Variants in MTHFD1 observed in about 807,000 individuals in gnomAD.
MTHFD1 encodes the protein methylenetetrahydrofolate dehydrogenase, cyclohydrolase and formyltetrahydrofolate synthetase 1.
Under a neutral mutation model 110.3 loss-of-function variants are expected in MTHFD1, and 44 were observed. That is an observed-to-expected ratio of 0.40 (90% CI 0.31 to 0.51). The LOEUF is 0.51. MTHFD1 is among the 20% of genes least tolerant of loss of function. The pLI, the probability that MTHFD1 is intolerant of heterozygous loss-of-function variation, is 0.60. For missense variants in MTHFD1, 909 were observed against 1,173.1 expected, an observed-to-expected ratio of 0.77 and a Z score of 3.29; for synonymous variants, 402 against 428.8, an observed-to-expected ratio of 0.94 and a Z score of 0.77.
At chr14:64,446,098 T>G (rs1202799220) in intron 22 of MTHFD1, among the ~76,000 whole-genome samples, 1 of 152,194 alleles carries the variant, frequency 6.6e-6, no homozygotes, top group Non-Finnish European at 1.5e-5. Flanking sequence ...TTTTAAAATA[T>G]TTAATGTATT....
chr14:64,427,043 C>G (rs998710426), intron 11 of MTHFD1, among the ~76,000 whole-genome samples: 1 of 151,644 alleles, frequency 6.6e-6, no homozygotes, highest in African/African-American at 2.4e-5. Context: ...CTTTCTTTTT[C>G]TTTGTCTTTT....
intron 17 of MTHFD1, chr14:64,439,455 T>A (rs970278898): frequency 4.2e-6 from 2 of 478,774 alleles, no homozygotes; most frequent in African/African-American, 3.9e-5. Context: ...TGCTTCTTTT[T>A]TGTGGCCATT....
chr14:64,411,172 A>T (rs781332569), intron 3 of MTHFD1, 23 bp downstream of exon 3: 2 of 1,600,694 alleles, frequency 1.2e-6, no homozygotes, highest in Non-Finnish European at 1.7e-6. Flanking sequence ...GAGCTGTGCC[A>T]TCACCCTCCC....
At chr14:64,458,100 AG>A (rs758957734) in intron 26 of MTHFD1, 113 bp from the exon 27 acceptor site, 66 of 825,462 alleles carry the variant, frequency 8.0e-5, no homozygotes, top group Non-Finnish European at 1.4e-4. Context: ...TATGTTGCCC[AG>A]GGTGGTTTAG....
chr14:64,439,098 T>C lies in MTHFD1; in HGVS notation c.1600T>C (p.Leu534=), dbSNP rs1199210996. ...DPETITWQRV[L]DTNDRFLRKI... ...TATATCTTGCCTGTCTGCTGTAGTGTTGGATACCAATGATAGATTCCTGAG... is the reference window on the plus strand; with the variant it reads ...TATATCTTGCCTGTCTGCTGTAGTGCTGGATACCAATGATAGATTCCTGAG... The change falls in exon 17 of 28, where the codon TTG becomes CTG. Residue 534 remains leucine, a splice_region_variant and synonymous_variant. Coordinates refer to ENST00000652337, the MANE Select transcript of MTHFD1 (RefSeq NM_005956.4). 1.9e-6 allele frequency: 3 copies of C among 1,613,414 alleles called. No individual in the cohort carries two copies. Among genetic ancestry groups the C allele is most frequent in the Admixed American group, 1.7e-5 (1 of 60,026 alleles).
chr14:64,401,019 C>G (rs978722643), intron 2 of MTHFD1, 142 bp downstream of exon 2: 28 of 694,524 alleles, frequency 4.0e-5, no homozygotes, highest in South Asian at 6.3e-5. Context: ...CAGGCTCCCC[C>G]CTTTGGCTCA....
chr14:64,393,666 A>G (rs570115954), intron 1 of MTHFD1, among the ~76,000 whole-genome samples: 30 of 152,274 alleles, frequency 2.0e-4, no homozygotes, highest in Admixed American at 1.8e-3. Flanking sequence ...TGGTTTGCAA[A>G]TAAGTGTCTG....
intron 11 of MTHFD1, 57 bp downstream of exon 11, chr14:64,426,249 CG>C: frequency 6.3e-7 from 1 of 1,597,426 alleles, no homozygotes; most frequent in Non-Finnish European, 8.6e-7. Flanking sequence ...GATACTAAGG[CG>C]TTGCATTTGC....
At chr14:64,401,504 A>T (rs1419820394) in intron 2 of MTHFD1, among the ~76,000 whole-genome samples, 1 of 152,158 alleles carries the variant, frequency 6.6e-6, no homozygotes, top group Non-Finnish European at 1.5e-5. Context: ...GGAGTTTGAG[A>T]CCAGCCTGGC....
At chr14:64,428,832 A>G (rs1424655964) in intron 12 of MTHFD1, among the ~76,000 whole-genome samples, 1 of 151,896 alleles carries the variant, frequency 6.6e-6, no homozygotes, top group African/African-American at 2.4e-5. Flanking sequence ...GATAATAGGC[A>G]TGAGCCACCG....
At chr14:64,389,380 T>G (rs1230144871) in intron 1 of MTHFD1, among the ~76,000 whole-genome samples, 1 of 152,200 alleles carries the variant, frequency 6.6e-6, no homozygotes, top group East Asian at 1.9e-4. Context: ...ACTCCTAACT[T>G]TGTAATAGGT....
At chr14:64,459,489 A>G (rs946565924) in intron 27 of MTHFD1, among the ~76,000 whole-genome samples, 11 of 105,224 alleles carry the variant, frequency 1.0e-4, no homozygotes, top group African/African-American at 3.1e-4. Context: ...CTAGAACACT[A>G]TTCTTTGAGA....
chr14:64,417,739 A>G lies in MTHFD1; in HGVS notation c.479-149A>G. Reference sequence around the variant, plus strand: ...TAGCTGAAACCCTAGAGTTGAGAATATTATTGCCAAAGAAGGAATGCTTTT... The same window carrying G: ...TAGCTGAAACCCTAGAGTTGAGAATGTTATTGCCAAAGAAGGAATGCTTTT... On this transcript the variant is annotated intron_variant, in intron 6 of 27. Coordinates refer to ENST00000652337, the MANE Select transcript of MTHFD1 (RefSeq NM_005956.4). This position sits in a 1 kb window ranked among gnomAD's most constrained non-coding sequence, Gnocchi z 4.4. 2 of 1,035,680 alleles carry G rather than the reference A, an allele frequency of 1.9e-6. No individual in the cohort carries two copies. The highest frequency in any genetic ancestry group is 2.9e-6 in the Non-Finnish European group (2 of 684,400). 64.2% of individuals were successfully genotyped at this position (1,035,680 alleles called of 1,614,324 possible).
chr14:64,448,521 T>C (rs929457267), intron 23 of MTHFD1: 33 of 592,818 alleles, frequency 5.6e-5, no homozygotes, highest in Non-Finnish European at 9.4e-5. Context: ...CAGATTCAGC[T>C]CCTATGGGCC....
At position 64,411,153 on chromosome 14, in the gene MTHFD1, A is replaced by T. The variant is rs1246951274; in HGVS notation, c.186+4A>T. ...GAAGCTGAAGGCTGCTGAAGAGGTA[A>T]CGCCAGAAGAGCTGTGCCATCACCC... is the stretch of plus-strand genomic sequence containing the variant. On this transcript the variant is annotated splice_donor_region_variant and intron_variant, in intron 3 of 27. Coordinates refer to ENST00000652337, the MANE Select transcript of MTHFD1 (RefSeq NM_005956.4). The T allele has an allele frequency of 8.1e-6, 13 of 1,611,220 alleles. No homozygotes were observed. Among genetic ancestry groups the T allele is most frequent in the Non-Finnish European group, 1.1e-5 (13 of 1,178,624 alleles).
At position 64,400,861 on chromosome 14, in the gene MTHFD1, G is replaced by A. The variant is rs905506733; in HGVS notation, c.110G>A (p.Arg37His). The change falls in exon 2 of 28, where the codon CGC (arginine) becomes CAC (histidine). Residue 37 changes from arginine to histidine, a missense_variant. Transcript: ENST00000652337. ...LKEQVPGFTP[R>H]LAILQVGNRD... Reference sequence around the variant, plus strand: ...GAGCAAGTACCTGGTTTCACACCACGCCTGGCAATATTACAGGTATTATGA... The same window carrying A: ...GAGCAAGTACCTGGTTTCACACCACACCTGGCAATATTACAGGTATTATGA... 6.8e-6 allele frequency: 11 copies of A among 1,610,162 alleles called. No individual in the cohort carries two copies. The highest frequency in any genetic ancestry group is 5.3e-5 in the African/African-American group (4 of 74,828).
At chr14:64,421,767 G>T (rs2078074038) in intron 8 of MTHFD1, among the ~76,000 whole-genome samples, 1 of 152,088 alleles carries the variant, frequency 6.6e-6, no homozygotes, top group Non-Finnish European at 1.5e-5. Context: ...GGGACTACAG[G>T]CGCCCGCCAC....
At chr14:64,404,951 TCC>T (rs2077925808) in intron 2 of MTHFD1, among the ~76,000 whole-genome samples, 1 of 151,584 alleles carries the variant, frequency 6.6e-6, no homozygotes, top group South Asian at 2.1e-4. Flanking sequence ...AGCCTAAGAC[TCC>T]GTCTCAATTT....
intron 22 of MTHFD1, among the ~76,000 whole-genome samples, chr14:64,446,767 C>A (rs1018905200): frequency 6.6e-6 from 1 of 152,200 alleles, no homozygotes; most frequent in South Asian, 2.1e-4. Flanking sequence ...TGGTCTCGAT[C>A]TCCTGACCTC....
Sources: gnomAD v4.1 joint callset for allele counts (sites outside exome capture counted in the v4.1 genomes callset) on GRCh38, gnomAD v4.1.1 for gene constraint, Gnocchi (gnomAD v3.1) non-coding constraint, MANE v1.5 for transcripts, NCBI Gene and HGNC (gene_info 2026-07-23, HGNC 2026-07-21) for gene names.